SCML4: variants seen among roughly 807,000 people sequenced by gnomAD.
SCML4 encodes Scm polycomb group protein like 4.
A neutral mutation model predicts 41.1 loss-of-function variants in SCML4; 34 were observed. The observed-to-expected ratio is 0.83, with a 90% CI of 0.63 to 1.10. SCML4 has a LOEUF of 1.10. Among genes scored for constraint, SCML4 ranks in the 50% least tolerant of loss-of-function variants. The pLI is 0.00. For missense variants in SCML4, 522 were observed against 534.1 expected, an observed-to-expected ratio of 0.98 and a Z score of 0.22; for synonymous variants, 214 against 220.9, an observed-to-expected ratio of 0.97 and a Z score of 0.28.
intron 5 of SCML4, among the ~76,000 whole-genome samples, chr6:107,727,158 A>G (rs991025116): frequency 2.6e-5 from 4 of 152,214 alleles, no homozygotes; most frequent in African/African-American, 7.2e-5. Context: ...GCCACAAGAG[A>G]CCACATGTCA....
At chr6:107,798,250 T>G (rs1426691335) in intron 1 of SCML4, among the ~76,000 whole-genome samples, 3 of 151,938 alleles carry the variant, frequency 2.0e-5, no homozygotes, top group Non-Finnish European at 2.9e-5. Flanking sequence ...GTCATCTGAG[T>G]CTGAAAGTCT....
the SCML4 span, among the ~76,000 whole-genome samples, chr6:107,835,157 T>C: frequency 6.6e-6 from 1 of 152,108 alleles, no homozygotes; most frequent in Non-Finnish European, 1.5e-5. Flanking sequence ...GTCCAGGAGT[T>C]CAAGACCAGC....
In SCML4 at chr6:107,720,698, A is replaced by G. The variant is rs531913024; in HGVS notation, c.973+5T>C. 7 of 1,538,140 alleles carry G rather than the reference A, an allele frequency of 4.6e-6. No individual in the cohort carries two copies. The highest frequency in any genetic ancestry group is 6.1e-6 in the Non-Finnish European group (7 of 1,144,798). On this transcript the variant is annotated splice_donor_5th_base_variant and intron_variant, in intron 6 of 7. Coordinates refer to ENST00000369020, the MANE Select transcript of SCML4 (RefSeq NM_198081.5). ...AGTGGGAAGCTGATGCATGCATTACATTACCACATCTGTTTCCTTCAAGAG... is the reference window on the plus strand; with the variant it reads ...AGTGGGAAGCTGATGCATGCATTACGTTACCACATCTGTTTCCTTCAAGAG...
rs149866407 is a variant in SCML4 at position 107,726,705 on chromosome 6, G to A, written c.683-5712C>T. Among the ~76,000 whole-genome samples the A allele has an allele frequency of 4.7e-4, 71 of 152,170 alleles. 1 individual carries two copies. Among genetic ancestry groups the A allele is most frequent in the Admixed American group, 3.3e-4 (5 of 15,288 alleles). On this transcript the variant is annotated intron_variant, in intron 5 of 7. Coordinates refer to ENST00000369020, the MANE Select transcript of SCML4 (RefSeq NM_198081.5). Reference sequence around the variant, plus strand: ...TCGAATCAAATCAAAACCACAATGAGTCACCACTTCACACCCACTAGGAAG... The same window carrying A: ...TCGAATCAAATCAAAACCACAATGAATCACCACTTCACACCCACTAGGAAG...
intron 1 of SCML4, among the ~76,000 whole-genome samples, chr6:107,775,013 G>C (rs1405078248): frequency 6.6e-6 from 1 of 151,124 alleles, no homozygotes; most frequent in East Asian, 1.9e-4. Context: ...AAAAAAGAAA[G>C]AAAGAAAGAA....
intron 1 of SCML4, among the ~76,000 whole-genome samples, chr6:107,807,428 C>T (rs1783823127): frequency 6.6e-6 from 1 of 152,152 alleles, no homozygotes; most frequent in Non-Finnish European, 1.5e-5. Flanking sequence ...GAGGGAAGCT[C>T]GCCATGGGTA....
At chr6:107,811,715 T>C (rs1784171223) in intron 1 of SCML4, among the ~76,000 whole-genome samples, 1 of 152,214 alleles carries the variant, frequency 6.6e-6, no homozygotes, top group African/African-American at 2.4e-5. Flanking sequence ...TAAAGACTTT[T>C]TCTTCTGCTC....
At chr6:107,834,590 G>A in the SCML4 span, among the ~76,000 whole-genome samples, 1 of 152,164 alleles carries the variant, frequency 6.6e-6, no homozygotes, top group Non-Finnish European at 1.5e-5. Flanking sequence ...GCATTCTAGA[G>A]TCCTCACTAA....
intron 1 of SCML4, among the ~76,000 whole-genome samples, chr6:107,781,696 A>G (rs1443084388): frequency 6.6e-6 from 1 of 152,088 alleles, no homozygotes; most frequent in Non-Finnish European, 1.5e-5. Context: ...AAAGAAAGGA[A>G]AAAAGAGGTT....
At chr6:107,844,261 G>C in the SCML4 span, among the ~76,000 whole-genome samples, 2 of 152,192 alleles carry the variant, frequency 1.3e-5, no homozygotes. Flanking sequence ...TGGAGGGAGA[G>C]TGCCAAGGAC....
chr6:107,744,900 T>G (rs753605657), intron 5 of SCML4, 49 bp downstream of exon 5: 1 of 1,456,846 alleles, frequency 6.9e-7, no homozygotes, highest in Non-Finnish European at 9.3e-7. Flanking sequence ...CAGAGACACC[T>G]GGGACAGGGA....
chr6:107,738,590 C>T (rs1777299544), intron 5 of SCML4, among the ~76,000 whole-genome samples: 1 of 151,920 alleles, frequency 6.6e-6, no homozygotes, highest in African/African-American at 2.4e-5. Context: ...CACTGCACTC[C>T]AGCCTGGGCA....
intron 2 of SCML4, among the ~76,000 whole-genome samples, chr6:107,756,099 A>T (rs1287870604): frequency 6.6e-6 from 1 of 152,238 alleles, no homozygotes; most frequent in African/African-American, 2.4e-5. Context: ...TAAAAATTTC[A>T]AATAATTTAT....
At chr6:107,751,580 T>TAA (rs2114512382) in intron 2 of SCML4, among the ~76,000 whole-genome samples, 2 of 71,656 alleles carry the variant, frequency 2.8e-5, no homozygotes, top group South Asian at 1.1e-3. Flanking sequence ...CAATCTTTCT[T>TAA]TCTTTCTTTC....
chr6:107,773,742 G>A (rs1737140749), intron 1 of SCML4, among the ~76,000 whole-genome samples: 1 of 152,174 alleles, frequency 6.6e-6, no homozygotes, highest in African/African-American at 2.4e-5. Context: ...AATGTGATGA[G>A]TGAGGCAGAA....
the SCML4 span, among the ~76,000 whole-genome samples, chr6:107,833,940 G>C: frequency 1.3e-5 from 2 of 152,084 alleles, no homozygotes; most frequent in African/African-American, 4.8e-5. Context: ...TGAATATGAT[G>C]TAAAGTTGTT....
intron 5 of SCML4, among the ~76,000 whole-genome samples, chr6:107,738,439 T>C (rs1008147501): frequency 6.6e-6 from 1 of 151,726 alleles, no homozygotes. Context: ...CTGGGCAACA[T>C]GTCAAAATCC....
At chr6:107,845,868 G>A in the SCML4 span, among the ~76,000 whole-genome samples, 3 of 152,148 alleles carry the variant, frequency 2.0e-5, no homozygotes, top group Non-Finnish European at 4.4e-5. Flanking sequence ...CTCGACAAAT[G>A]CCTGGCTCCC....
rs1272489870 is a variant in SCML4, at chr6:107,803,425, TG to T, written c.-60+20700del. 1.4e-4 allele frequency among the ~76,000 whole-genome samples: 19 copies of T among 134,982 alleles called. No individual in the cohort carries two copies. The South Asian group carries it at 1.7e-3, about 12-fold the overall frequency. 88.6% of individuals were successfully genotyped at this position (134,982 alleles called of 152,430 possible). ...CCAGCCGCCCCATCCGGGAGGGAGG[TG>T]GGGGGGTCAGCCCCCCGCCCGGCCA... On this transcript the variant is annotated intron_variant, in intron 1 of 7. Transcript: ENST00000369020.
Sources: allele counts gnomAD v4.1 joint callset (sites outside exome capture counted in the v4.1 genomes callset), GRCh38; gene constraint gnomAD v4.1.1; transcripts MANE v1.5; gene names NCBI Gene and HGNC (gene_info 2026-07-23, HGNC 2026-07-21).